Variants in ASTN2 observed in about 807,000 individuals in gnomAD.
ASTN2 encodes astrotactin-2.
Under a neutral mutation model 139.8 loss-of-function variants are expected in ASTN2, and 54 were observed. That is an observed-to-expected ratio of 0.39 (90% CI 0.31 to 0.48). The LOEUF is 0.48. ASTN2 is among the 20% of genes least tolerant of loss of function. The pLI is 0.95. For missense variants in ASTN2, 1,565 were observed against 1,725.1 expected (o/e 0.91, Z 1.64); for synonymous variants, 756 against 719.5 (o/e 1.05, Z -0.81).
chr9:117,142,234 A>G (rs1830092704), intron 3 of ASTN2, among the ~76,000 whole-genome samples: 1 of 152,248 alleles, frequency 6.6e-6, no homozygotes, highest in African/African-American at 2.4e-5. Flanking sequence ...GGTTTTAAAC[A>G]GAAAATCTAT....
intron 16 of ASTN2, among the ~76,000 whole-genome samples, chr9:116,657,927 AC>A (rs1032258151): frequency 6.9e-6 from 1 of 145,706 alleles, no homozygotes; most frequent in African/African-American, 2.5e-5. Context: ...TTGCTGTATC[AC>A]CCAGATTGGA....
At chr9:116,507,100 CAG>C (rs1850144993) in intron 19 of ASTN2, among the ~76,000 whole-genome samples, 1 of 152,162 alleles carries the variant, frequency 6.6e-6, no homozygotes, top group Non-Finnish European at 1.5e-5. Flanking sequence ...TTAACATTCA[CAG>C]AGATACTGTG....
chr9:116,891,188 T>G (rs1833754159), intron 10 of ASTN2, among the ~76,000 whole-genome samples: 1 of 152,296 alleles, frequency 6.6e-6, no homozygotes, highest in South Asian at 2.1e-4. Context: ...TTTTAAAAGG[T>G]TTTGAGTAGT....
chr9:117,307,595 G>T (rs543355540), intron 1 of ASTN2, among the ~76,000 whole-genome samples: 1 of 152,306 alleles, frequency 6.6e-6, no homozygotes, highest in South Asian at 2.1e-4. Context: ...TGTACATCAT[G>T]CATGCTCCAT....
intron 19 of ASTN2, among the ~76,000 whole-genome samples, chr9:116,577,227 A>G (rs574338876): frequency 9.2e-4 from 140 of 152,344 alleles, no homozygotes; most frequent in African/African-American, 3.2e-3. Context: ...AAATGGGAAG[A>G]CACAAGAATA....
intron 11 of ASTN2, among the ~76,000 whole-genome samples, chr9:116,827,981 T>A (rs1831687179): frequency 6.6e-6 from 1 of 152,176 alleles, no homozygotes. Flanking sequence ...TGAATATAGA[T>A]GTTAGTATTT....
intron 19 of ASTN2, among the ~76,000 whole-genome samples, chr9:116,524,809 T>TATAC (rs1281114001): frequency 6.6e-6 from 1 of 152,188 alleles, no homozygotes; most frequent in East Asian, 1.9e-4. Context: ...TTCCTCTCTG[T>TATAC]AGAGATATGC....
chr9:117,169,879 C>G (rs1830751785), intron 3 of ASTN2, among the ~76,000 whole-genome samples: 1 of 152,122 alleles, frequency 6.6e-6, no homozygotes, highest in African/African-American at 2.4e-5. Context: ...GAGAAAGTGC[C>G]TCTGAACAAA....
intron 16 of ASTN2, among the ~76,000 whole-genome samples, chr9:116,693,022 A>G (rs1860650807): frequency 6.6e-6 from 1 of 152,120 alleles, no homozygotes. Context: ...CAGCCCTTTT[A>G]TTAATCTTTA....
At chr9:116,967,736 T>C (rs1305725859) in intron 10 of ASTN2, among the ~76,000 whole-genome samples, 1 of 152,208 alleles carries the variant, frequency 6.6e-6, no homozygotes, top group Non-Finnish European at 1.5e-5. Context: ...CTTCCCCCCA[T>C]ACTCTGCTGC....
chr9:116,505,085 T>G (rs1450144718), intron 19 of ASTN2, among the ~76,000 whole-genome samples: 1 of 151,914 alleles, frequency 6.6e-6, no homozygotes, highest in Non-Finnish European at 1.5e-5. Context: ...CACTTTCACA[T>G]CCTCTAAAAG....
At chr9:117,252,907 C>T (rs1833576855) in intron 2 of ASTN2, among the ~76,000 whole-genome samples, 1 of 152,022 alleles carries the variant, frequency 6.6e-6, no homozygotes, top group African/African-American at 2.4e-5. Flanking sequence ...CAGATGGTGC[C>T]TGGCTCTCAG....
chr9:116,730,871 C>A (rs1828758888), intron 14 of ASTN2, among the ~76,000 whole-genome samples: 1 of 152,202 alleles, frequency 6.6e-6, no homozygotes, highest in Non-Finnish European at 1.5e-5. Context: ...TTCCTTCCAT[C>A]TCTGCTCATT....
chr9:116,861,214 TACACACACAC>T (rs60909208), intron 11 of ASTN2, among the ~76,000 whole-genome samples: 8,096 of 143,714 alleles, frequency 0.056, 313 homozygotes, highest in South Asian at 0.085. Flanking sequence ...AAGCCCAAGC[TACACACACAC>T]ACACACACAC....
intron 11 of ASTN2, among the ~76,000 whole-genome samples, chr9:116,835,507 C>T (rs1044416132): frequency 3.9e-5 from 6 of 152,234 alleles, no homozygotes; most frequent in African/African-American, 1.4e-4. Flanking sequence ...CATTTGTTGT[C>T]TATAGTCTCT....
intron 1 of ASTN2, among the ~76,000 whole-genome samples, chr9:117,406,306 G>A (rs1830986975): frequency 6.6e-6 from 1 of 152,148 alleles, no homozygotes; most frequent in African/African-American, 2.4e-5. Flanking sequence ...CCCATCGTTG[G>A]TCCTGTACAG....
intron 6 of ASTN2, among the ~76,000 whole-genome samples, chr9:117,022,817 C>G (rs1373721730): frequency 6.6e-6 from 1 of 151,992 alleles, no homozygotes; most frequent in Non-Finnish European, 1.5e-5. Flanking sequence ...TGGATGGAAT[C>G]AGAGTGGGCA....
chr9:116,548,639 A>G (rs10120021), intron 19 of ASTN2, among the ~76,000 whole-genome samples: 2,252 of 152,060 alleles, frequency 0.015, 57 homozygotes, highest in African/African-American at 0.051. Flanking sequence ...TGCTCGGCTA[A>G]TTTTTGGTAC....
intron 1 of ASTN2, among the ~76,000 whole-genome samples, chr9:117,381,231 A>G (rs1830261836): frequency 6.6e-6 from 1 of 152,188 alleles, no homozygotes; most frequent in South Asian, 2.1e-4. Flanking sequence ...AGCATGGGGA[A>G]AAGAGGAGTG....
Sources: allele counts gnomAD v4.1 joint callset (sites outside exome capture counted in the v4.1 genomes callset), GRCh38; gene constraint gnomAD v4.1.1; transcripts MANE v1.5; gene names NCBI Gene and HGNC (gene_info 2026-07-23, HGNC 2026-07-21).